Variants in LIN52 observed in about 807,000 individuals in gnomAD.
LIN52 encodes the protein protein lin-52 homolog.
A neutral mutation model predicts 18.5 loss-of-function variants in LIN52; 4 were observed. The ratio of observed to expected loss-of-function variants is 0.22; its 90% CI spans 0.11 to 0.49. The LOEUF (loss-of-function observed/expected upper bound fraction) is 0.49. Ranked by LOEUF, LIN52 falls within the 20% of genes least tolerant of loss-of-function variation. The pLI is 0.97. For missense variants in LIN52, 102 were observed against 139.5 expected (o/e 0.73, Z 1.35); for synonymous variants, 34 against 45.5 (o/e 0.75, Z 1.02).
At chr14:74,106,919 T>G (rs934695536) in intron 5 of LIN52, among the ~76,000 whole-genome samples, 4 of 152,212 alleles carry the variant, frequency 2.6e-5, no homozygotes, top group Non-Finnish European at 2.9e-5. Context: ...GTACATTTTC[T>G]TCTCTTTGTC....
chr14:74,167,544 G>A (rs974819277), intron 5 of LIN52, among the ~76,000 whole-genome samples: 2 of 152,176 alleles, frequency 1.3e-5, no homozygotes, highest in Non-Finnish European at 2.9e-5. Flanking sequence ...GGGATTACAG[G>A]TGTGAGCCAC....
At chr14:74,196,312 TA>T (rs975952184) in intron 5 of LIN52, among the ~76,000 whole-genome samples, 4 of 151,990 alleles carry the variant, frequency 2.6e-5, no homozygotes, top group African/African-American at 9.7e-5. Flanking sequence ...GTGGATCTTT[TA>T]AAATTCTAAG....
chr14:74,094,926 C>G (rs568700841), intron 2 of LIN52, among the ~76,000 whole-genome samples: 1 of 152,046 alleles, frequency 6.6e-6, no homozygotes, highest in East Asian at 1.9e-4. Context: ...CGGGGTTTCA[C>G]TGTGTTGCCC....
intron 5 of LIN52, among the ~76,000 whole-genome samples, chr14:74,198,625 C>G (rs941459904): frequency 1.3e-5 from 2 of 152,194 alleles, no homozygotes; most frequent in Non-Finnish European, 2.9e-5. Context: ...ATTCTAGAGA[C>G]AGAGATAGGT....
intron 3 of LIN52, among the ~76,000 whole-genome samples, chr14:74,096,394 T>G (rs2060812989): frequency 6.6e-6 from 1 of 152,070 alleles, no homozygotes; most frequent in Non-Finnish European, 1.5e-5. Flanking sequence ...GGTCTCACTA[T>G]ATTTCCCAGG....
chr14:74,089,102 G>C (rs1329574796), intron 1 of LIN52, among the ~76,000 whole-genome samples: 1 of 152,136 alleles, frequency 6.6e-6, no homozygotes, highest in Non-Finnish European at 1.5e-5. Context: ...AATGGGAGCA[G>C]AGAGATCTGT....
At chr14:74,097,923 AT>A (rs1309999995) in intron 4 of LIN52, 63 bp downstream of exon 4, 2,968 of 1,085,664 alleles carry the variant, frequency 2.7e-3, no homozygotes, top group Admixed American at 3.4e-3. Context: ...CCACCTCTCT[AT>A]TTTTTTTTTC....
chr14:74,107,019 A>G (rs2024109), intron 5 of LIN52, among the ~76,000 whole-genome samples: 77,499 of 152,096 alleles, frequency 0.51, 20,374 homozygotes, highest in East Asian at 0.89. Context: ...TTGCATTCTG[A>G]CCCTCGCCGG....
At chr14:74,183,102 TC>T (rs5809653) in intron 5 of LIN52, among the ~76,000 whole-genome samples, 80,100 of 137,818 alleles carry the variant, frequency 0.58, 23,936 homozygotes, top group Admixed American at 0.65. Context: ...TCTCTCTCTC[TC>T]TTTTTTTTTT....
chr14:74,103,510 G>A (rs2060874747), intron 5 of LIN52, among the ~76,000 whole-genome samples: 2 of 139,992 alleles, frequency 1.4e-5, no homozygotes, highest in Middle Eastern at 8.8e-3. Context: ...TTGGCTTACT[G>A]CAACCTCCAC....
intron 5 of LIN52, among the ~76,000 whole-genome samples, chr14:74,183,137 G>A (rs907649416): frequency 3.5e-5 from 5 of 142,888 alleles, no homozygotes; most frequent in South Asian, 2.2e-4. Flanking sequence ...TCACTCTGTC[G>A]CCCAGGCTGG....
chr14:74,190,864 G>A (rs2078871590), intron 5 of LIN52, among the ~76,000 whole-genome samples: 1 of 152,160 alleles, frequency 6.6e-6, no homozygotes, highest in South Asian at 2.1e-4. Flanking sequence ...ACCTGCTGAG[G>A]GCCACCAAGT....
chr14:74,121,283 C>A (rs1434890632), intron 5 of LIN52, among the ~76,000 whole-genome samples: 2 of 152,130 alleles, frequency 1.3e-5, no homozygotes, highest in Non-Finnish European at 2.9e-5. Context: ...TTCTCCATTG[C>A]TTAGATCTGC....
chr14:74,102,207 C>T (rs759592413), intron 5 of LIN52, among the ~76,000 whole-genome samples: 15 of 152,174 alleles, frequency 9.9e-5, no homozygotes, highest in Non-Finnish European at 1.8e-4. Flanking sequence ...CATGCCACTG[C>T]ACTCCAGCCT....
chr14:74,181,454 C>A (rs187482828), intron 5 of LIN52, among the ~76,000 whole-genome samples: 1 of 150,776 alleles, frequency 6.6e-6, no homozygotes, highest in East Asian at 1.9e-4. Flanking sequence ...AAAAAAAATT[C>A]TAGTACATGC....
intron 5 of LIN52, among the ~76,000 whole-genome samples, chr14:74,188,333 G>A (rs189812103): frequency 1.0e-3 from 159 of 152,138 alleles, no homozygotes; most frequent in Non-Finnish European, 2.0e-3. Flanking sequence ...GTGTTATTGC[G>A]ATGAAAAAAT....
intron 5 of LIN52, 61 bp downstream of exon 5, chr14:74,101,299 C>A: frequency 8.4e-7 from 1 of 1,187,940 alleles, no homozygotes; most frequent in Non-Finnish European, 1.2e-6. Flanking sequence ...GTATTCCACC[C>A]TGAGCTCAGG....
chr14:74,185,309 C>T (rs945623932), intron 5 of LIN52, among the ~76,000 whole-genome samples: 243 of 78,624 alleles, frequency 3.1e-3, no homozygotes, highest in Middle Eastern at 0.032. Context: ...ATAATGATTT[C>T]TTTTTTTTTT....
intron 5 of LIN52, among the ~76,000 whole-genome samples, chr14:74,112,917 C>T (rs2060938504): frequency 6.6e-6 from 1 of 152,042 alleles, no homozygotes; most frequent in Non-Finnish European, 1.5e-5. Context: ...GGAGAAGAGG[C>T]AATTGCATTA....
Sources: gnomAD v4.1 joint callset for allele counts (sites outside exome capture counted in the v4.1 genomes callset) on GRCh38, gnomAD v4.1.1 for gene constraint, MANE v1.5 for transcripts, NCBI Gene and HGNC (gene_info 2026-07-23, HGNC 2026-07-21) for gene names.